Variants in NAV2 observed in about 807,000 individuals in gnomAD.
NAV2 encodes the protein helicase, APC down-regulated 1.
In NAV2, 54 loss-of-function variants were observed where a neutral mutation model predicts 223.2. That is an observed-to-expected ratio of 0.24 (90% CI 0.19 to 0.30). The LOEUF (loss-of-function observed/expected upper bound fraction) is 0.30, where lower values mean the gene tolerates loss of function less well. Among genes scored for constraint, NAV2 ranks in the 10% least tolerant of loss-of-function variants. The probability of loss-of-function intolerance (pLI) is 1.00; values close to 1 mark genes in which losing one functional copy is unlikely to be tolerated. For missense variants in NAV2, 2,806 were observed against 3,147.5 expected (o/e 0.89, Z 2.60); for synonymous variants, 1,279 against 1,239.3 (o/e 1.03, Z -0.67).
intron 1 of NAV2, among the ~76,000 whole-genome samples, chr11:19,515,217 A>G (rs571196461): frequency 6.6e-6 from 1 of 152,202 alleles, no homozygotes; most frequent in Admixed American, 6.5e-5. Context: ...ACATAGCACA[A>G]TGTCTGGTAC....
rs562971688 is a variant in NAV2 at position 20,023,055 on chromosome 11, G to A, written c.2769-12904G>A. On this transcript the variant is annotated intron_variant, in intron 11 of 37. Coordinates refer to ENST00000349880, the MANE Select transcript of NAV2 (RefSeq NM_145117.5). ...GGCTAAAGGACTTGCCATCCTGTGA[G>A]ATTCATTCAGCTTCTTTGTCCGCTG... 3.4e-5 allele frequency: 52 copies of A among 1,551,110 alleles called. 1 individual carries two copies. In the South Asian group the frequency reaches 5.8e-4, roughly 17 times the overall value.
chr11:19,704,365 A>G (rs557766902), intron 1 of NAV2, among the ~76,000 whole-genome samples: 1 of 152,292 alleles, frequency 6.6e-6, no homozygotes, highest in South Asian at 2.1e-4. Flanking sequence ...TATCAGAAAC[A>G]GGAAGTTACA....
rs1056643682 is a variant in NAV2, at chr11:19,859,109, G to T, written c.439-9816G>T. Among the ~76,000 whole-genome samples, 12 of 146,436 alleles carry T rather than the reference G, an allele frequency of 8.2e-5. 1 individual carries two copies. In the South Asian group the frequency reaches 2.8e-3, roughly 34 times the overall value. On this transcript the variant is annotated intron_variant, in intron 3 of 37. Transcript: ENST00000349880. ...GGCATCTGTCAGGGAGCCAGAACCAGATATGGAGGAGTCCAAAATCATATT... is the reference window on the plus strand; with the variant it reads ...GGCATCTGTCAGGGAGCCAGAACCATATATGGAGGAGTCCAAAATCATATT...
At chr11:19,943,158 A>G (rs910010776) in intron 8 of NAV2, among the ~76,000 whole-genome samples, 1 of 152,178 alleles carries the variant, frequency 6.6e-6, no homozygotes, top group Non-Finnish European at 1.5e-5. Context: ...AATATTTTCT[A>G]AAGGGCCTAG....
intron 30 of NAV2, among the ~76,000 whole-genome samples, chr11:20,096,763 T>C (rs73438580): frequency 0.13 from 19,900 of 152,264 alleles, 3,393 homozygotes; most frequent in African/African-American, 0.4. Context: ...GACTGGAGAT[T>C]GGTCCCCATC....
At chr11:19,752,442 A>C (rs1038848637) in intron 1 of NAV2, among the ~76,000 whole-genome samples, 1 of 152,206 alleles carries the variant, frequency 6.6e-6, no homozygotes. Context: ...CTTATAGAAA[A>C]TGTCAACCAT....
At chr11:20,032,030 T>C (rs1182791881) in intron 11 of NAV2, among the ~76,000 whole-genome samples, 1 of 152,188 alleles carries the variant, frequency 6.6e-6, no homozygotes, top group Non-Finnish European at 1.5e-5. Flanking sequence ...ATTTGTACCC[T>C]GAATGGGAAA....
chr11:19,497,860 G>T (rs2042847082), intron 1 of NAV2, among the ~76,000 whole-genome samples: 2 of 152,134 alleles, frequency 1.3e-5, no homozygotes, highest in South Asian at 4.2e-4. Flanking sequence ...ATTTGGGAAT[G>T]CAAAATATTA....
chr11:20,082,876 T>G (rs1592053391), intron 25 of NAV2, 131 bp from the exon 26 acceptor site: 11 of 892,574 alleles, frequency 1.2e-5, no homozygotes, highest in Middle Eastern at 3.3e-4. Context: ...AAAGAGCTCT[T>G]GGGAACCTCT....
intron 1 of NAV2, among the ~76,000 whole-genome samples, chr11:19,388,285 CA>C (rs1203695203): frequency 6.6e-6 from 1 of 152,192 alleles, no homozygotes. Flanking sequence ...CTTGCAAACC[CA>C]TCGCTCATCT....
chr11:19,975,844 G>C (rs2049683460), intron 10 of NAV2, among the ~76,000 whole-genome samples: 1 of 152,184 alleles, frequency 6.6e-6, no homozygotes, highest in African/African-American at 2.4e-5. Flanking sequence ...GGGCCTCGAG[G>C]TCTGTGAGCC....
chr11:20,075,173 A>G (rs1463942687), intron 22 of NAV2, among the ~76,000 whole-genome samples: 1 of 150,530 alleles, frequency 6.6e-6, no homozygotes, highest in Non-Finnish European at 1.5e-5. Flanking sequence ...ATATCTCTTT[A>G]TTTTAAAATG....
intron 1 of NAV2, among the ~76,000 whole-genome samples, chr11:19,541,939 A>T (rs1163642156): frequency 6.6e-6 from 1 of 152,194 alleles, no homozygotes; most frequent in Non-Finnish European, 1.5e-5. Flanking sequence ...TTTGATTTTT[A>T]AAACTAAGCT....
At position 19,662,961 on chromosome 11, in the gene NAV2, C is replaced by G. The variant is rs115139132; in HGVS notation, c.76-169523C>G. 2.0e-3 allele frequency among the ~76,000 whole-genome samples: 306 copies of G among 152,286 alleles called. 1 individual carries two copies. Among genetic ancestry groups the G allele is most frequent in the African/African-American group, 7.1e-3 (295 of 41,562 alleles). ...GCCACATTCCATGCCTCGTGGAGGTCCAAAGCCCTCCCCAGTTTCAGTCAG... is the reference window on the plus strand; with the variant it reads ...GCCACATTCCATGCCTCGTGGAGGTGCAAAGCCCTCCCCAGTTTCAGTCAG... On this transcript the variant is annotated intron_variant, in intron 1 of 37. Transcript: ENST00000360655.
chr11:19,725,913 C>T (rs530172272), intron 1 of NAV2, among the ~76,000 whole-genome samples: 35 of 152,332 alleles, frequency 2.3e-4, no homozygotes, highest in African/African-American at 7.0e-4. Flanking sequence ...AAGAGTGTCT[C>T]GTCACCTGGA....
At chr11:19,707,846 T>C (rs1171730728), upstream of NAV2, among the ~76,000 whole-genome samples, 1 of 152,224 alleles carries the variant, frequency 6.6e-6, no homozygotes, top group East Asian at 1.9e-4. Flanking sequence ...ACTATGTTAC[T>C]AGGCAATAGT....
chr11:19,839,012 G>A (rs1325060075), intron 2 of NAV2, among the ~76,000 whole-genome samples: 2 of 152,170 alleles, frequency 1.3e-5, no homozygotes, highest in East Asian at 1.9e-4. Flanking sequence ...GATTGTTTGC[G>A]ACTTTTCTGC....
chr11:19,639,036 C>T (rs1045532691), intron 1 of NAV2, among the ~76,000 whole-genome samples: 13 of 152,136 alleles, frequency 8.5e-5, no homozygotes, highest in South Asian at 6.2e-4. Flanking sequence ...AATATTGGCT[C>T]TTGTGCAGAA....
At chr11:19,354,003 A>C (rs1366051189) in intron 1 of NAV2, among the ~76,000 whole-genome samples, 1 of 152,232 alleles carries the variant, frequency 6.6e-6, no homozygotes, top group African/African-American at 2.4e-5. Flanking sequence ...CATGCCTTCT[A>C]GTCACTGGAT....
Sources: gnomAD v4.1 joint callset for allele counts (sites outside exome capture counted in the v4.1 genomes callset) on GRCh38, gnomAD v4.1.1 for gene constraint, MANE v1.5 for transcripts, NCBI Gene and HGNC (gene_info 2026-07-23, HGNC 2026-07-21) for gene names.